NTM: variants seen among roughly 807,000 people sequenced by gnomAD.
NTM encodes IgLON family member 2.
A neutral mutation model predicts 42.1 loss-of-function variants in NTM; 13 were observed. The observed-to-expected ratio is 0.31, with a 90% CI of 0.20 to 0.49. NTM has a LOEUF of 0.49. NTM is among the 20% of genes least tolerant of loss of function. The probability of loss-of-function intolerance (pLI) is 0.99; values close to 1 mark genes in which losing one functional copy is unlikely to be tolerated. For missense variants in NTM, 373 were observed against 452.8 expected (o/e 0.82, Z 1.60); for synonymous variants, 187 against 179.2 (o/e 1.04, Z -0.35).
chr11:131,647,569 A>G (rs750529829), intron 1 of NTM, among the ~76,000 whole-genome samples: 4 of 152,172 alleles, frequency 2.6e-5, no homozygotes, highest in Non-Finnish European at 5.9e-5. Flanking sequence ...TAATTTTTAT[A>G]TTTTATCTCA....
chr11:131,857,435 G>A (rs2046212130), intron 1 of NTM, among the ~76,000 whole-genome samples: 2 of 152,064 alleles, frequency 1.3e-5, no homozygotes, highest in Non-Finnish European at 2.9e-5. Context: ...CCCATTCAGT[G>A]GCCCTCAATG....
intron 2 of NTM, among the ~76,000 whole-genome samples, chr11:132,113,732 A>G (rs1395114651): frequency 1.3e-5 from 2 of 152,168 alleles, no homozygotes; most frequent in African/African-American, 4.8e-5. Context: ...ATAGACCCCC[A>G]AAGTCACCTT....
At chr11:131,686,739 C>T (rs889275095) in intron 1 of NTM, among the ~76,000 whole-genome samples, 4 of 152,200 alleles carry the variant, frequency 2.6e-5, no homozygotes, top group East Asian at 3.9e-4. Context: ...CACCTGAATA[C>T]GGCCATAACG....
In NTM at chr11:131,708,053, T is replaced by C. The variant is rs115866614; in HGVS notation, c.83-203511T>C. Among the ~76,000 whole-genome samples, 789 of 152,284 alleles carry C rather than the reference T, an allele frequency of 5.2e-3. 8 individuals are homozygous for C. Among genetic ancestry groups the C allele is most frequent in the African/African-American group, 0.016 (646 of 41,572 alleles). On this transcript the variant is annotated intron_variant, in intron 1 of 8. Coordinates refer to ENST00000683400, the MANE Select transcript of NTM (RefSeq NM_001352005.2). Reference sequence around the variant, plus strand: ...CTACCAAAAAAGCTGGTAAGACTAATATTTGAATTCACTGAAGTTACAGGC... The same window carrying C: ...CTACCAAAAAAGCTGGTAAGACTAACATTTGAATTCACTGAAGTTACAGGC...
intron 1 of NTM, among the ~76,000 whole-genome samples, chr11:131,756,124 C>T (rs913467741): frequency 6.6e-6 from 1 of 152,174 alleles, no homozygotes; most frequent in South Asian, 2.1e-4. Context: ...CCCACACTCT[C>T]ATTGGTGTTA....
Position 131,715,390 on chromosome 11 carries a change from G to A in NTM, c.83-196174G>A, listed in dbSNP as rs996608206. ...AGAGGTGAGAACGGGACAAATAAGA[G>A]GAAGAATTTTGTTTAGCATTTTAGA... is the stretch of plus-strand genomic sequence containing the variant. On this transcript the variant is annotated intron_variant, in intron 1 of 8. Coordinates refer to ENST00000683400, the MANE Select transcript of NTM (RefSeq NM_001352005.2). Among the ~76,000 whole-genome samples the A allele has an allele frequency of 7.2e-5, 11 of 152,224 alleles. No homozygotes were observed. The East Asian group carries it at 1.4e-3, about 19-fold the overall frequency.
intron 1 of NTM, among the ~76,000 whole-genome samples, chr11:131,747,057 T>C (rs1463752851): frequency 6.6e-6 from 1 of 152,232 alleles, no homozygotes; most frequent in Non-Finnish European, 1.5e-5. Context: ...CTGTTATACA[T>C]ATATGTTAAG....
chr11:131,817,292 G>A (rs6590601), intron 1 of NTM, among the ~76,000 whole-genome samples: 11,128 of 152,164 alleles, frequency 0.073, 1,351 homozygotes, highest in African/African-American at 0.25. Context: ...CGAGCAATAC[G>A]ACCTTAGGGC....
chr11:131,514,407 T>C (rs1222138736), intron 1 of NTM, among the ~76,000 whole-genome samples: 1 of 152,132 alleles, frequency 6.6e-6, no homozygotes. Flanking sequence ...TGGCAGTCTT[T>C]AGAAAGCCTC....
At chr11:131,598,475 A>G (rs1004619222) in intron 1 of NTM, among the ~76,000 whole-genome samples, 1 of 152,146 alleles carries the variant, frequency 6.6e-6, no homozygotes, top group Non-Finnish European at 1.5e-5. Context: ...TAACAAAACA[A>G]AGGTCTATTG....
chr11:131,557,353 C>T (rs2055583390), intron 1 of NTM, among the ~76,000 whole-genome samples: 1 of 152,078 alleles, frequency 6.6e-6, no homozygotes. Context: ...ACGCCCCGAC[C>T]CTGTGAAAGA....
chr11:131,911,784 G>T lies in NTM; in HGVS notation c.167+136G>T, dbSNP rs2055086004. The T allele has an allele frequency of 1.1e-5, 12 of 1,085,674 alleles. No individual in the cohort carries two copies. In the Middle Eastern group the frequency reaches 1.2e-3, roughly 111 times the overall value. The allele number at this position is 1,085,674 out of a possible 1,614,324, so 67.3% of individuals were successfully genotyped here. On this transcript the variant is annotated intron_variant, in intron 2 of 8. Transcript: ENST00000683400. The stretch of plus-strand genomic sequence containing the variant: ...GGTTCCCTGGGCTGCACAATTTATG[G>T]CTGCGCTGGGGGCTCTGCCCGGGAA...
At chr11:132,026,007 C>A (rs75138088) in intron 2 of NTM, among the ~76,000 whole-genome samples, 3,240 of 152,234 alleles carry the variant, frequency 0.021, 42 homozygotes, top group South Asian at 0.054. Context: ...CAATTAATTT[C>A]TCTGTGTCGT....
At chr11:132,242,726 C>T (rs1242126010) in intron 4 of NTM, among the ~76,000 whole-genome samples, 1 of 152,192 alleles carries the variant, frequency 6.6e-6, no homozygotes, top group African/African-American at 2.4e-5. Context: ...CCTCTAAGAG[C>T]TGTGCAAACT....
At position 131,465,934 on chromosome 11, in the gene NTM, T is replaced by C. The variant is rs567657748; in HGVS notation, c.82+95046T>C. ...CTGATACTTGCTAATGACCACCAGA[T>C]GGCTGATGACCACAAGGGGGCATGG... On this transcript the variant is annotated intron_variant, in intron 1 of 8. Transcript: ENST00000683400. Among the ~76,000 whole-genome samples, 5 of 152,368 alleles carry C rather than the reference T, an allele frequency of 3.3e-5. No individual in the cohort carries two copies. The South Asian group carries it at 1.0e-3, about 32-fold the overall frequency.
intron 1 of NTM, among the ~76,000 whole-genome samples, chr11:131,899,288 C>A (rs975533179): frequency 2.0e-5 from 3 of 152,100 alleles, no homozygotes; most frequent in Non-Finnish European, 2.9e-5. Flanking sequence ...GAAAGCAAGG[C>A]GGGCCAACTA....
intron 4 of NTM, among the ~76,000 whole-genome samples, chr11:132,266,201 G>A (rs1247581770): frequency 6.6e-6 from 1 of 152,136 alleles, no homozygotes; most frequent in Non-Finnish European, 1.5e-5. Context: ...GAGGGACAGG[G>A]ATTGATCACT....
At chr11:131,616,738 C>G (rs1156852300) in intron 1 of NTM, among the ~76,000 whole-genome samples, 1 of 150,920 alleles carries the variant, frequency 6.6e-6, no homozygotes, top group Non-Finnish European at 1.5e-5. Flanking sequence ...GGAGGAAACT[C>G]AGATTGAGAC....
chr11:131,697,782 C>T (rs1306849047), intron 1 of NTM, among the ~76,000 whole-genome samples: 1 of 152,168 alleles, frequency 6.6e-6, no homozygotes, highest in Non-Finnish European at 1.5e-5. Context: ...TAATTACTTG[C>T]CATCCACAGG....
Sources: allele counts gnomAD v4.1 joint callset (sites outside exome capture counted in the v4.1 genomes callset), GRCh38; gene constraint gnomAD v4.1.1; transcripts MANE v1.5; gene names NCBI Gene and HGNC (gene_info 2026-07-23, HGNC 2026-07-21).